The following ABCC2 variants were observed in gnomAD, a reference collection of about 807,000 sequenced individuals.
ABCC2 encodes ATP-binding cassette sub-family C member 2.
A neutral mutation model predicts 173.4 loss-of-function variants in ABCC2; 157 were observed. The observed-to-expected ratio is 0.91, with a 90% CI of 0.80 to 1.03. The LOEUF is 1.03. ABCC2 is among the 50% of genes least tolerant of loss of function. The pLI, the probability that ABCC2 is intolerant of heterozygous loss-of-function variation, is 0.00. For synonymous variants in ABCC2, 657 were observed against 693.5 expected, an observed-to-expected ratio of 0.95 and a Z score of 0.83; for missense variants, 1,822 against 1,852.3, an observed-to-expected ratio of 0.98 and a Z score of 0.30.
intron 2 of ABCC2, among the ~76,000 whole-genome samples, chr10:99,787,884 G>A (rs1320789121): frequency 6.6e-6 from 1 of 151,900 alleles, no homozygotes. Context: ...CCAACTTGGT[G>A]AGACCGATCT....
At chr10:99,839,068 G>A (rs2038882394) in intron 25 of ABCC2, among the ~76,000 whole-genome samples, 2 of 140,188 alleles carry the variant, frequency 1.4e-5, no homozygotes, top group African/African-American at 5.4e-5. Flanking sequence ...CGGACGGGGC[G>A]GCTGGCCGGG....
In ABCC2 at chr10:99,804,255, C is replaced by T. The variant is rs113646094; in HGVS notation, c.1446C>T (p.Thr482=). Residue 482 remains threonine, a synonymous_variant, in exon 10 of 32, where the codon ACC becomes ACT. Transcript: ENST00000647814. ...TCCCAATTAATGCGATACTGTCCAC[C>T]AAGAGTAAGACCATTCAGGTAAAGA... ...LVIPINAILS[T]KSKTIQVKNM... The T allele has an allele frequency of 5.1e-5, 82 of 1,613,880 alleles. No individual in the cohort carries two copies. The highest frequency in any genetic ancestry group is 8.3e-5 in the Admixed American group (5 of 59,982).
chr10:99,805,519 C>T, intron 11 of ABCC2, 72 bp downstream of exon 11: 2 of 1,467,904 alleles, frequency 1.4e-6, no homozygotes, highest in Non-Finnish European at 1.9e-6. Flanking sequence ...CTTTGCAAAC[C>T]CTGGTAGAGG....
chr10:99,831,859 G>A, intron 22 of ABCC2, 29 bp downstream of exon 22: 1 of 1,612,956 alleles, frequency 6.2e-7, no homozygotes, highest in Non-Finnish European at 8.5e-7. Flanking sequence ...ACATCTTACA[G>A]AATCTGTCTG....
At chr10:99,820,701 C>T (rs1465278642) in intron 19 of ABCC2, among the ~76,000 whole-genome samples, 1 of 152,016 alleles carries the variant, frequency 6.6e-6, no homozygotes. Flanking sequence ...GGGAGCCAGG[C>T]CAGGAGAGTG....
intron 26 of ABCC2, among the ~76,000 whole-genome samples, chr10:99,843,052 CAAA>C (rs147966035): frequency 3.5e-5 from 4 of 114,890 alleles, no homozygotes; most frequent in Admixed American, 9.0e-5. Context: ...GATTCCATCT[CAAA>C]AAAAAAAAAA....
intron 11 of ABCC2, among the ~76,000 whole-genome samples, chr10:99,807,115 G>T (rs997431967): frequency 1.3e-5 from 2 of 152,244 alleles, no homozygotes; most frequent in Non-Finnish European, 1.5e-5. Context: ...AGACTGGAAG[G>T]CCTGTGTCCT....
rs2039009494 is a variant in ABCC2, at chr10:99,845,866, G to T, written c.4146+84G>T. On this transcript the variant is annotated intron_variant, in intron 29 of 31. Transcript: ENST00000647814. ...CATATGCAGCTTCTTCTTGATGTCTGTTCAGTCAGCACTGTCAATTCCACG... is the reference window on the plus strand; with the variant it reads ...CATATGCAGCTTCTTCTTGATGTCTTTTCAGTCAGCACTGTCAATTCCACG... The T allele has an allele frequency of 3.5e-6, 5 of 1,434,924 alleles. No individual in the cohort carries two copies. In the Admixed American group the frequency reaches 5.9e-5, roughly 17 times the overall value. 88.9% of individuals were successfully genotyped at this position (1,434,924 alleles called of 1,614,324 possible).
chr10:99,794,323 AT>A, intron 5 of ABCC2, 89 bp from the exon 6 acceptor site: 1 of 1,203,512 alleles, frequency 8.3e-7, no homozygotes, highest in Non-Finnish European at 1.2e-6. Flanking sequence ...GCACAACATT[AT>A]ATCATTAAAA....
At chr10:99,805,517 A>T (rs2038085283) in intron 11 of ABCC2, 70 bp downstream of exon 11, 1 of 1,479,442 alleles carries the variant, frequency 6.8e-7, no homozygotes, top group Non-Finnish European at 9.5e-7. Flanking sequence ...GCCTTTGCAA[A>T]CCCTGGTAGA....
At chr10:99,815,947 G>T (rs1411813852) in intron 16 of ABCC2, among the ~76,000 whole-genome samples, 1 of 150,104 alleles carries the variant, frequency 6.7e-6, no homozygotes, top group Non-Finnish European at 1.5e-5. Flanking sequence ...ACAGGCCTTT[G>T]TTGGTCTCCA....
Position 99,852,536 on chromosome 10 carries a change from A to G in ABCC2, c.*905A>G, listed in dbSNP as rs2039098603. 6.6e-6 allele frequency among the ~76,000 whole-genome samples: 1 copy of G among 151,978 alleles called. No homozygotes were observed. Among genetic ancestry groups the G allele is most frequent in the Non-Finnish European group, 1.5e-5 (1 of 67,994 alleles). ...TACTCATGGTATTTTATTTCCTTGT[A>G]TGTCTTGTGAATTTTTATTATAAGC... On this transcript the variant is annotated 3_prime_UTR_variant, in exon 32 of 32. Transcript: ENST00000647814.
At position 99,807,366 on chromosome 10, in the gene ABCC2, T is replaced by C; in HGVS notation, c.1531-18T>C. The C allele has an allele frequency of 6.2e-7, 1 of 1,614,082 alleles. No homozygotes were observed. Among genetic ancestry groups the C allele is most frequent in the Non-Finnish European group, 8.5e-7 (1 of 1,179,938 alleles). ...TCAGGGGCAATCATGTGAGCTGTATTTTTTTTCAACTTATTAGATCCTGAA... is the reference window on the plus strand; with the variant it reads ...TCAGGGGCAATCATGTGAGCTGTATCTTTTTTCAACTTATTAGATCCTGAA... On this transcript the variant is annotated intron_variant, in intron 11 of 31. Coordinates refer to ENST00000647814, the MANE Select transcript of ABCC2 (RefSeq NM_000392.5).
Position 99,850,761 on chromosome 10 carries a change from C to T in ABCC2, c.4473C>T (p.Ile1491=), listed in dbSNP as rs772555659. 3.7e-6 allele frequency: 6 copies of T among 1,614,200 alleles called. No homozygotes were observed. Among genetic ancestry groups the T allele is most frequent in the East Asian group, 2.2e-5 (1 of 44,888 alleles). Residue 1491 remains isoleucine, a synonymous_variant, in exon 31 of 32, where the codon ATC becomes ATT. Coordinates refer to ENST00000647814, the MANE Select transcript of ABCC2 (RefSeq NM_000392.5). The stretch of plus-strand genomic sequence containing the variant: ...TCGCCCACTGCACAGTGATCACCAT[C>T]GCCCACAGGCTGCACACCATCATGG... ...NEFAHCTVIT[I]AHRLHTIMDS...
At chr10:99,847,936 A>C (rs1416429863) in intron 30 of ABCC2, among the ~76,000 whole-genome samples, 1 of 152,168 alleles carries the variant, frequency 6.6e-6, no homozygotes, top group African/African-American at 2.4e-5. Context: ...CAAACAAACA[A>C]ACAAAAAACC....
chr10:99,849,660 C>A (rs1402540773), intron 30 of ABCC2, among the ~76,000 whole-genome samples: 2 of 152,154 alleles, frequency 1.3e-5, no homozygotes, highest in African/African-American at 4.8e-5. Flanking sequence ...ACACTTTGGG[C>A]CAGGCAGGAG....
At chr10:99,817,550 G>C (rs1564687998) in intron 17 of ABCC2, 66 bp downstream of exon 17, 1 of 1,546,164 alleles carries the variant, frequency 6.5e-7, no homozygotes, top group Non-Finnish European at 8.9e-7. Flanking sequence ...GAGGATGGTG[G>C]TGAAGAACTA....
At chr10:99,836,715 T>G (rs2038829727) in intron 25 of ABCC2, among the ~76,000 whole-genome samples, 1 of 152,204 alleles carries the variant, frequency 6.6e-6, no homozygotes, top group East Asian at 1.9e-4. Context: ...GTCATGACAC[T>G]CTTTCTGGGT....
intron 23 of ABCC2, among the ~76,000 whole-genome samples, chr10:99,832,359 C>A (rs2038755002): frequency 6.6e-6 from 1 of 151,174 alleles, no homozygotes; most frequent in East Asian, 2.0e-4. Context: ...AGAAGACAAC[C>A]AAAGAAGTGA....
Sources: allele counts gnomAD v4.1 joint callset (sites outside exome capture counted in the v4.1 genomes callset), GRCh38; gene constraint gnomAD v4.1.1; transcripts MANE v1.5; gene names NCBI Gene and HGNC (gene_info 2026-07-23, HGNC 2026-07-21).